CA10: variants seen among roughly 807,000 people sequenced by gnomAD.
CA10 encodes carbonic anhydrase-related protein 10.
Under a neutral mutation model 44.2 loss-of-function variants are expected in CA10, and 14 were observed. The observed-to-expected ratio is 0.32, with a 90% CI of 0.21 to 0.50. The LOEUF (loss-of-function observed/expected upper bound fraction) is 0.50, where lower values mean the gene tolerates loss of function less well. Among genes scored for constraint, CA10 ranks in the 20% least tolerant of loss-of-function variants. CA10 has a pLI of 0.99. For missense variants in CA10, 350 were observed against 409.7 expected (o/e 0.85, Z 1.26); for synonymous variants, 159 against 141.6 (o/e 1.12, Z -0.87).
chr17:51,919,061 CTTTT>C (rs1209218937), intron 3 of CA10, among the ~76,000 whole-genome samples: 2 of 152,060 alleles, frequency 1.3e-5, no homozygotes, highest in East Asian at 3.8e-4. Context: ...TAATTTGGTT[CTTTT>C]GTTTCAGAAA....
intron 6 of CA10, among the ~76,000 whole-genome samples, chr17:51,644,659 CCA>C (rs893461241): frequency 9.9e-5 from 15 of 152,122 alleles, no homozygotes; most frequent in African/African-American, 3.1e-4. Context: ...TACGCTTCAT[CCA>C]CAGTCTCCCC....
At chr17:52,129,612 T>A (rs549883899) in intron 1 of CA10, among the ~76,000 whole-genome samples, 4 of 152,336 alleles carry the variant, frequency 2.6e-5, no homozygotes, top group African/African-American at 9.6e-5. Flanking sequence ...CCTTTTATAG[T>A]ACCAAAAACA....
At chr17:51,661,589 A>C (rs1184632416) in intron 4 of CA10, 2 of 152,210 alleles carry the variant, frequency 1.3e-5, no homozygotes, top group African/African-American at 4.8e-5. Flanking sequence ...GTAAGCTACT[A>C]TTGTTGTTGT....
chr17:51,662,859 T>C (rs185388904), intron 4 of CA10, among the ~76,000 whole-genome samples: 51 of 152,280 alleles, frequency 3.3e-4, no homozygotes, highest in African/African-American at 1.1e-3. Context: ...GTAATTATTT[T>C]CCCCCAAAAG....
chr17:51,992,902 T>C (rs1319946683), intron 2 of CA10, among the ~76,000 whole-genome samples: 6 of 152,030 alleles, frequency 3.9e-5, no homozygotes, highest in Non-Finnish European at 7.4e-5. Flanking sequence ...ATTTACAGAA[T>C]AAAAAAAGGT....
At chr17:52,079,456 C>CAA (rs35048985) in intron 1 of CA10, among the ~76,000 whole-genome samples, 1,357 of 125,254 alleles carry the variant, frequency 0.011, 11 homozygotes, top group Non-Finnish European at 0.015. Context: ...GAGACTCCGT[C>CAA]AAAAAAAAAA....
intron 4 of CA10, among the ~76,000 whole-genome samples, chr17:51,693,999 G>A (rs993940310): frequency 1.3e-5 from 2 of 152,110 alleles, no homozygotes; most frequent in African/African-American, 2.4e-5. Context: ...GAGGTTGAGA[G>A]TTCGAGACCA....
chr17:51,741,971 C>T (rs541918429), intron 4 of CA10, among the ~76,000 whole-genome samples: 11 of 152,280 alleles, frequency 7.2e-5, no homozygotes, highest in African/African-American at 2.2e-4. Flanking sequence ...TGCATGTGGT[C>T]GGTCAGTTTC....
chr17:51,812,529 G>A (rs1209457689), intron 3 of CA10, among the ~76,000 whole-genome samples: 1 of 152,168 alleles, frequency 6.6e-6, no homozygotes, highest in Non-Finnish European at 1.5e-5. Context: ...GCACCCCACT[G>A]GCTACACTAA....
intron 4 of CA10, among the ~76,000 whole-genome samples, chr17:51,674,876 G>A (rs1347819793): frequency 1.3e-5 from 2 of 152,118 alleles, no homozygotes; most frequent in Non-Finnish European, 2.9e-5. Context: ...TTTCCTTTGT[G>A]CGTGTATTGT....
intron 1 of CA10, among the ~76,000 whole-genome samples, chr17:52,088,460 A>G (rs1409057604): frequency 6.6e-6 from 1 of 152,190 alleles, no homozygotes; most frequent in Non-Finnish European, 1.5e-5. Context: ...ATTGAGTGGA[A>G]GAACAGTTTG....
At position 51,631,464 on chromosome 17, in the gene CA10, C is replaced by T. The variant is rs912184490; in HGVS notation, c.*120G>A. 4 of 977,626 alleles carry T rather than the reference C, an allele frequency of 4.1e-6. No homozygotes were observed. The Admixed American group carries it at 7.4e-5, about 18-fold the overall frequency. The allele number at this position is 977,626 out of a possible 1,614,324, so 60.6% of individuals were successfully genotyped here. On this transcript the variant is annotated 3_prime_UTR_variant, in exon 9 of 9. Coordinates refer to ENST00000451037, the MANE Select transcript of CA10 (RefSeq NM_020178.5). Reference sequence around the variant, plus strand: ...CTTTTCATGAAGAAAGGGCCAATCCCAAGAATGAATGAGGCTTGGGGGAAA... The same window carrying T: ...CTTTTCATGAAGAAAGGGCCAATCCTAAGAATGAATGAGGCTTGGGGGAAA...
At chr17:52,029,383 G>T (rs1986396874) in intron 2 of CA10, among the ~76,000 whole-genome samples, 1 of 152,138 alleles carries the variant, frequency 6.6e-6, no homozygotes, top group Non-Finnish European at 1.5e-5. Context: ...TGCTCTTCCT[G>T]ATTCTAGAGC....
intron 4 of CA10, among the ~76,000 whole-genome samples, chr17:51,724,902 T>C (rs1454174993): frequency 5.9e-5 from 9 of 152,212 alleles, no homozygotes; most frequent in Non-Finnish European, 1.5e-5. Flanking sequence ...ATAAAGGGCA[T>C]AGTAATAGCT....
In CA10 at chr17:51,672,344, C is replaced by T. The variant is rs575481203; in HGVS notation, c.466-18608G>A. Reference sequence around the variant, plus strand: ...ATGGTTTTAGTCACTGTTTTGCAAACGAGTAACTAGCACCTGGGTTGGGAT... The same window carrying T: ...ATGGTTTTAGTCACTGTTTTGCAAATGAGTAACTAGCACCTGGGTTGGGAT... On this transcript the variant is annotated intron_variant, in intron 4 of 8. Coordinates refer to ENST00000451037, the MANE Select transcript of CA10 (RefSeq NM_020178.5). Among the ~76,000 whole-genome samples the T allele has an allele frequency of 3.5e-4, 54 of 152,282 alleles. No individual in the cohort carries two copies. In the South Asian group the frequency reaches 7.1e-3, roughly 20 times the overall value.
intron 1 of CA10, among the ~76,000 whole-genome samples, chr17:52,110,730 A>G (rs1174811462): frequency 6.6e-6 from 1 of 152,144 alleles, no homozygotes; most frequent in Non-Finnish European, 1.5e-5. Context: ...GGGTCCAGCC[A>G]TTTCTATCCT....
intron 6 of CA10, among the ~76,000 whole-genome samples, chr17:51,637,712 A>G (rs774556082): frequency 7.9e-5 from 12 of 152,244 alleles, no homozygotes; most frequent in Non-Finnish European, 1.5e-4. Context: ...CTCCACTGAC[A>G]AGAAACTAAA....
At chr17:51,680,726 G>A (rs1914816659) in intron 4 of CA10, among the ~76,000 whole-genome samples, 2 of 152,194 alleles carry the variant, frequency 1.3e-5, no homozygotes, top group South Asian at 4.1e-4. Flanking sequence ...GTCCTCCCCT[G>A]AATGTCAACA....
chr17:51,871,700 A>G (rs1979824975), intron 3 of CA10, among the ~76,000 whole-genome samples: 1 of 148,810 alleles, frequency 6.7e-6, no homozygotes, highest in Non-Finnish European at 1.5e-5. Flanking sequence ...TCTTCTTTAA[A>G]CTTTTTTTTT....
Sources: gnomAD v4.1 joint callset for allele counts (sites outside exome capture counted in the v4.1 genomes callset) on GRCh38, gnomAD v4.1.1 for gene constraint, MANE v1.5 for transcripts, NCBI Gene and HGNC (gene_info 2026-07-23, HGNC 2026-07-21) for gene names.